The following AGBL4 variants were observed in gnomAD, a reference collection of about 807,000 sequenced individuals.
AGBL4 encodes cytosolic carboxypeptidase 6.
Under a neutral mutation model 66.4 loss-of-function variants are expected in AGBL4, and 58 were observed. That is an observed-to-expected ratio of 0.87 (90% CI 0.71 to 1.09). The LOEUF is 1.09. Ranked by LOEUF, AGBL4 falls within the 50% of genes least tolerant of loss-of-function variation. The pLI, the probability that AGBL4 is intolerant of heterozygous loss-of-function variation, is 0.00. For synonymous variants in AGBL4, 234 were observed against 222.9 expected, an observed-to-expected ratio of 1.05 and a Z score of -0.44; for missense variants, 579 against 631.0, an observed-to-expected ratio of 0.92 and a Z score of 0.88.
chr1:48,670,137 G>T (rs567720825), intron 6 of AGBL4, among the ~76,000 whole-genome samples: 8 of 152,296 alleles, frequency 5.3e-5, no homozygotes, highest in African/African-American at 1.9e-4. Context: ...AGCCTTTCTG[G>T]TGTACCTCCC....
chr1:48,975,309 T>G (rs773427065), intron 5 of AGBL4, among the ~76,000 whole-genome samples: 1 of 152,164 alleles, frequency 6.6e-6, no homozygotes, highest in East Asian at 1.9e-4. Context: ...TTACCAGTTT[T>G]TGGTGGAGCC....
chr1:48,683,446 A>G (rs771709123), intron 6 of AGBL4, among the ~76,000 whole-genome samples: 7 of 152,236 alleles, frequency 4.6e-5, no homozygotes, highest in Non-Finnish European at 7.3e-5. Flanking sequence ...CCACATGTGC[A>G]GTCCACACAG....
chr1:48,763,015 A>G (rs962027601), intron 6 of AGBL4, among the ~76,000 whole-genome samples: 4 of 152,136 alleles, frequency 2.6e-5, no homozygotes, highest in African/African-American at 9.7e-5. Flanking sequence ...TGAACATTCA[A>G]TGGATGGCAC....
At chr1:49,360,980 TAAAG>T (rs1315954413) in intron 3 of AGBL4, among the ~76,000 whole-genome samples, 1 of 152,002 alleles carries the variant, frequency 6.6e-6, no homozygotes, top group African/African-American at 2.4e-5. Context: ...GTATTTTTAA[TAAAG>T]AAAGAGTTTC....
At chr1:49,314,314 T>C (rs1246654561) in intron 3 of AGBL4, among the ~76,000 whole-genome samples, 1 of 152,050 alleles carries the variant, frequency 6.6e-6, no homozygotes, top group Non-Finnish European at 1.5e-5. Context: ...ACACGTGCCA[T>C]GGTGGTTTGC....
At chr1:48,637,350 C>T (rs1645683732) in intron 8 of AGBL4, among the ~76,000 whole-genome samples, 2 of 152,168 alleles carry the variant, frequency 1.3e-5, no homozygotes, top group African/African-American at 2.4e-5. Flanking sequence ...TGTTCCCTCC[C>T]AGGTGAAGTG....
chr1:48,586,703 G>A (rs1644826078), intron 11 of AGBL4: 1 of 346,956 alleles, frequency 2.9e-6, no homozygotes. Flanking sequence ...GATGGCAGGA[G>A]ACTCACTGCA....
intron 3 of AGBL4, among the ~76,000 whole-genome samples, chr1:49,624,629 G>T (rs1645430928): frequency 6.6e-6 from 1 of 152,060 alleles, no homozygotes; most frequent in South Asian, 2.1e-4. Context: ...TCTCCTTCCT[G>T]CTACCTGACA....
intron 3 of AGBL4, among the ~76,000 whole-genome samples, chr1:49,554,225 T>C (rs1373989001): frequency 6.6e-6 from 1 of 152,166 alleles, no homozygotes; most frequent in Non-Finnish European, 1.5e-5. Flanking sequence ...ATGGTCTTTC[T>C]AATTCATCAC....
intron 3 of AGBL4, among the ~76,000 whole-genome samples, chr1:49,357,206 C>T (rs1269956726): frequency 6.6e-6 from 1 of 152,214 alleles, no homozygotes; most frequent in Non-Finnish European, 1.5e-5. Flanking sequence ...TCCTGCTTCT[C>T]TGTGTCCTCC....
chr1:48,936,082 C>A (rs1224468273), intron 5 of AGBL4, among the ~76,000 whole-genome samples: 1 of 144,236 alleles, frequency 6.9e-6, no homozygotes, highest in Non-Finnish European at 1.5e-5. Context: ...AGGCCAGGAG[C>A]TTGAGACCAA....
intron 1 of AGBL4, among the ~76,000 whole-genome samples, chr1:49,929,241 A>G (rs1370559235): frequency 1.3e-5 from 2 of 152,090 alleles, no homozygotes; most frequent in Admixed American, 6.5e-5. Flanking sequence ...GTTCAATTGT[A>G]CTCCAAACCT....
chr1:49,039,988 G>A (rs1476713725), intron 5 of AGBL4, among the ~76,000 whole-genome samples: 1 of 151,884 alleles, frequency 6.6e-6, no homozygotes, highest in Non-Finnish European at 1.5e-5. Flanking sequence ...TTGATAAATT[G>A]GACTTCAAAT....
chr1:49,029,064 AC>A (rs1458774150), intron 5 of AGBL4, among the ~76,000 whole-genome samples: 1 of 152,196 alleles, frequency 6.6e-6, no homozygotes, highest in African/African-American at 2.4e-5. Context: ...AACTTACTCA[AC>A]ATGATAAAGG....
chr1:49,984,348 T>TGGGCAG (rs1659328033), intron 1 of AGBL4, among the ~76,000 whole-genome samples: 5 of 152,306 alleles, frequency 3.3e-5, no homozygotes, highest in African/African-American at 1.2e-4. Context: ...AGACTGCATC[T>TGGGCAG]TTGAGAGCCT....
intron 5 of AGBL4, among the ~76,000 whole-genome samples, chr1:49,014,744 G>A (rs1662687597): frequency 6.6e-6 from 1 of 152,112 alleles, no homozygotes. Flanking sequence ...TCATTGCTCT[G>A]GTCTGTCATT....
chr1:49,850,291 A>T (rs892483960), intron 2 of AGBL4, among the ~76,000 whole-genome samples: 4 of 152,290 alleles, frequency 2.6e-5, no homozygotes, highest in African/African-American at 9.6e-5. Context: ...AAGCCAAGGA[A>T]CACCAAAGAT....
At chr1:49,106,936 CT>C (rs1271680560) in intron 4 of AGBL4, among the ~76,000 whole-genome samples, 2 of 152,036 alleles carry the variant, frequency 1.3e-5, no homozygotes, top group East Asian at 3.9e-4. Context: ...GGGAACTTCC[CT>C]TTTTTGGAAA....
At chr1:48,835,618 G>T (rs1451959093) in intron 6 of AGBL4, among the ~76,000 whole-genome samples, 1 of 152,106 alleles carries the variant, frequency 6.6e-6, no homozygotes, top group Non-Finnish European at 1.5e-5. Context: ...TAAAATGGAA[G>T]CATTCAGGGG....
Sources: allele counts gnomAD v4.1 joint callset (sites outside exome capture counted in the v4.1 genomes callset), GRCh38; gene constraint gnomAD v4.1.1; transcripts MANE v1.5; gene names NCBI Gene and HGNC (gene_info 2026-07-23, HGNC 2026-07-21).